Variants in TMEM260 observed in about 807,000 individuals in gnomAD.
The protein encoded by TMEM260 is transmembrane protein 260, also known as protein O-mannosyl-transferase TMEM260.
Under a neutral mutation model 88.9 loss-of-function variants are expected in TMEM260, and 82 were observed. The observed-to-expected ratio is 0.92, with a 90% CI of 0.77 to 1.11. TMEM260 has a LOEUF of 1.11. Among genes scored for constraint, TMEM260 ranks in the 50% least tolerant of loss-of-function variants. The pLI is 0.00. For synonymous variants in TMEM260, 314 were observed against 309.3 expected (o/e 1.02, Z -0.16); for missense variants, 902 against 853.4 (o/e 1.06, Z -0.71).
Position 56,636,509 on chromosome 14 carries a change from A to T in TMEM260, c.1780A>T (p.Met594Leu). Reference protein sequence around the residue: ...VANEEMWQARMKTPFFIFNLA... With the variant: ...VANEEMWQARLKTPFFIFNLA... The stretch of plus-strand genomic sequence containing the variant: ...GAAGGTTCCTATCCCCACCCCCAGG[A>T]TGAAAACACCGTTCTTCATCTTTAA... Residue 594 changes from methionine to leucine, a missense_variant and splice_region_variant, in exon 15 of 16, where the codon ATG becomes TTG. Transcript: ENST00000261556. 6.2e-7 allele frequency: 1 copy of T among 1,613,996 alleles called. No homozygotes were observed. The highest frequency in any genetic ancestry group is 2.2e-5 in the East Asian group (1 of 44,870).
At chr14:56,611,748 T>C (rs1887290130) in intron 6 of TMEM260, among the ~76,000 whole-genome samples, 1 of 152,142 alleles carries the variant, frequency 6.6e-6, no homozygotes, top group Non-Finnish European at 1.5e-5. Flanking sequence ...CGTATGTTCA[T>C]CACAACACTA....
At chr14:56,602,448 G>A (rs1886634671) in intron 3 of TMEM260, among the ~76,000 whole-genome samples, 1 of 152,120 alleles carries the variant, frequency 6.6e-6, no homozygotes. Context: ...TAGGCTGACT[G>A]ATTTAGAACT....
intron 1 of TMEM260, among the ~76,000 whole-genome samples, chr14:56,581,804 G>T (rs777198086): frequency 1.7e-4 from 26 of 152,178 alleles, no homozygotes; most frequent in Non-Finnish European, 3.2e-4. Flanking sequence ...ATTGACTTCA[G>T]AATATGCCCC....
chr14:56,635,746 G>C (rs1427393751), intron 14 of TMEM260, among the ~76,000 whole-genome samples: 2 of 152,286 alleles, frequency 1.3e-5, no homozygotes, highest in East Asian at 3.9e-4. Context: ...GCCAGGGACT[G>C]TGTGCACTGA....
chr14:56,604,109 T>C, intron 4 of TMEM260, 117 bp downstream of exon 4: 1 of 976,222 alleles, frequency 1.0e-6, no homozygotes, highest in Non-Finnish European at 1.4e-6. Context: ...CGGGATAATC[T>C]AGCATGCTGA....
intron 12 of TMEM260, 152 bp downstream of exon 12, chr14:56,625,682 G>A: frequency 1.6e-6 from 1 of 609,134 alleles, no homozygotes; most frequent in Non-Finnish European, 2.7e-6. Flanking sequence ...TTGAATATCT[G>A]TGCATAAATG....
rs116732007 is a variant in TMEM260, at chr14:56,611,387, G to T, written c.817-858G>T. ...TTTGAGTGAAGAGAAATGATACATT[G>T]TACATTTAAAACCTGTGTCTTTTAG... is the stretch of plus-strand genomic sequence containing the variant. On this transcript the variant is annotated intron_variant, in intron 6 of 15. Transcript: ENST00000261556. Among the ~76,000 whole-genome samples, 654 of 152,222 alleles carry T rather than the reference G, an allele frequency of 4.3e-3. 5 individuals carry two copies. Among genetic ancestry groups the T allele is most frequent in the African/African-American group, 0.015 (623 of 41,536 alleles).
chr14:56,643,548 A>G (rs1422032957), intron 15 of TMEM260, among the ~76,000 whole-genome samples: 2 of 152,134 alleles, frequency 1.3e-5, no homozygotes, highest in Non-Finnish European at 2.9e-5. Flanking sequence ...CCCACAGCCA[A>G]TATCATACTG....
intron 11 of TMEM260, among the ~76,000 whole-genome samples, chr14:56,623,163 T>C (rs1051474659): frequency 1.3e-5 from 2 of 152,204 alleles, no homozygotes; most frequent in Admixed American, 1.3e-4. Flanking sequence ...TTAGGGTGCA[T>C]TTGAATGCAA....
chr14:56,657,002 C>G, the TMEM260 span, among the ~76,000 whole-genome samples: 9 of 152,302 alleles, frequency 5.9e-5, no homozygotes, highest in African/African-American at 2.2e-4. Context: ...CACCTGGAAG[C>G]AGGCATCTAC....
chr14:56,590,997 T>G (rs1885819974), intron 3 of TMEM260, among the ~76,000 whole-genome samples: 1 of 152,234 alleles, frequency 6.6e-6, no homozygotes, highest in Non-Finnish European at 1.5e-5. Flanking sequence ...AAGGGCTACA[T>G]AGGCTGACTT....
At position 56,618,763 on chromosome 14, in the gene TMEM260, G is replaced by C. The variant is rs1887736388; in HGVS notation, c.1226G>C (p.Ser409Thr). The C allele has an allele frequency of 6.2e-7, 1 of 1,612,262 alleles. No individual in the cohort carries two copies. The highest frequency in any genetic ancestry group is 1.7e-5 in the Admixed American group (1 of 59,792). The change falls in exon 10 of 16, where the codon AGT becomes ACT. Residue 409 changes from serine to threonine, a missense_variant and splice_region_variant. By Grantham distance (58) the Ser-to-Thr change is moderately conservative. Transcript: ENST00000261556. ...GTTTACCAAATATATTCTAATTACA[G>C]GTAATACATGGTTATTTTTATGAAA... ...FVVYQIYSNY[S>T]VCDQRTNYVI...
At chr14:56,605,707 A>G (rs776278372) in intron 5 of TMEM260, 24 bp downstream of exon 5, 1 of 1,392,480 alleles carries the variant, frequency 7.2e-7, no homozygotes, top group African/African-American at 1.5e-5. Context: ...TTTTGTAAAA[A>G]AAAGTACAAT....
rs181199462 is a variant in TMEM260 at position 56,593,656 on chromosome 14, T to C, written c.344+7744T>C. On this transcript the variant is annotated intron_variant, in intron 3 of 15. Coordinates refer to ENST00000261556, the MANE Select transcript of TMEM260 (RefSeq NM_017799.4). The stretch of plus-strand genomic sequence containing the variant: ...CAGTGTCAAAACTTGATTTTGATTA[T>C]TGGTATTGACAGGTGAGTGTCTTTT... 1.3e-4 allele frequency among the ~76,000 whole-genome samples: 20 copies of C among 150,424 alleles called. 1 individual carries two copies. Among genetic ancestry groups the C allele is most frequent in the African/African-American group, 4.4e-4 (18 of 41,126 alleles).
chr14:56,626,317 G>A (rs1310542771), intron 12 of TMEM260, among the ~76,000 whole-genome samples: 1 of 152,128 alleles, frequency 6.6e-6, no homozygotes, highest in East Asian at 1.9e-4. Flanking sequence ...TGCGCTGTGA[G>A]AGTAACATTT....
At chr14:56,607,393 T>G (rs1886978052) in intron 5 of TMEM260, among the ~76,000 whole-genome samples, 1 of 152,230 alleles carries the variant, frequency 6.6e-6, no homozygotes, top group Non-Finnish European at 1.5e-5. Flanking sequence ...TTCCCTGTAC[T>G]GAGGTAAGCT....
At chr14:56,615,213 A>C (rs1350830217) in intron 7 of TMEM260, among the ~76,000 whole-genome samples, 2 of 152,192 alleles carry the variant, frequency 1.3e-5, no homozygotes, top group Non-Finnish European at 2.9e-5. Flanking sequence ...CATTTTCTCC[A>C]GTAAAATTGC....
chr14:56,628,788 CTA>C (rs1476111600), intron 12 of TMEM260, among the ~76,000 whole-genome samples: 4 of 151,898 alleles, frequency 2.6e-5, no homozygotes, highest in South Asian at 2.1e-4. Context: ...TCTCAGATCT[CTA>C]TTTTTAATTG....
Position 56,605,618 on chromosome 14 carries a change from C to T in TMEM260, c.571C>T (p.His191Tyr), listed in dbSNP as rs775622106. ...FCCGLSLCNQ[H>Y]TIILYVLCII... ...CTGTGGCCTTAGTTTATGTAACCAGCACACAATAATACTCTATGTTTTGTG... is the reference window on the plus strand; with the variant it reads ...CTGTGGCCTTAGTTTATGTAACCAGTACACAATAATACTCTATGTTTTGTG... Residue 191 changes from histidine (H) to tyrosine (Y), a missense_variant, in exon 5 of 16, where the codon CAC (histidine) becomes TAC (tyrosine). Coordinates refer to ENST00000261556, the MANE Select transcript of TMEM260 (RefSeq NM_017799.4). 4 of 1,588,248 alleles carry T rather than the reference C, an allele frequency of 2.5e-6. No individual in the cohort carries two copies. The highest frequency in any genetic ancestry group is 3.4e-6 in the Non-Finnish European group (4 of 1,169,170).
Sources: allele counts gnomAD v4.1 joint callset (sites outside exome capture counted in the v4.1 genomes callset), GRCh38; gene constraint gnomAD v4.1.1; transcripts MANE v1.5; gene names NCBI Gene and HGNC (gene_info 2026-07-23, HGNC 2026-07-21).